DLGAP2: variants seen among roughly 807,000 people sequenced by gnomAD.
The protein encoded by DLGAP2 is DLG associated protein 2.
DLGAP2 carries 26 observed loss-of-function variants against 100.3 expected under a neutral mutation model. That is an observed-to-expected ratio of 0.26 (90% CI 0.19 to 0.36). The LOEUF (loss-of-function observed/expected upper bound fraction) is 0.36, where lower values mean the gene tolerates loss of function less well. DLGAP2 is among the 10% of genes least tolerant of loss of function. The probability of loss-of-function intolerance (pLI) is 1.00; values close to 1 mark genes in which losing one functional copy is unlikely to be tolerated. For synonymous variants in DLGAP2, 886 were observed against 630.1 expected, an observed-to-expected ratio of 1.41 and a Z score of -6.08; for missense variants, 1,858 against 1,453.2, an observed-to-expected ratio of 1.28 and a Z score of -4.53.
At chr8:1,453,460 G>A (rs1041354198) in intron 3 of DLGAP2, among the ~76,000 whole-genome samples, 3 of 152,180 alleles carry the variant, frequency 2.0e-5, no homozygotes, top group Admixed American at 2.0e-4. Context: ...ACCTAACAGA[G>A]AGAACGGAGT....
intron 2 of DLGAP2, among the ~76,000 whole-genome samples, chr8:924,765 G>A (rs764222378): frequency 2.5e-4 from 38 of 151,908 alleles, no homozygotes; most frequent in South Asian, 4.2e-4. Flanking sequence ...TGTATTTTTA[G>A]TAGATACATG....
At chr8:1,409,495 A>G (rs1796669496) in intron 3 of DLGAP2, among the ~76,000 whole-genome samples, 1 of 152,224 alleles carries the variant, frequency 6.6e-6, no homozygotes, top group South Asian at 2.1e-4. Context: ...CACAAGTTCA[A>G]GAAGAGAGCT....
chr8:1,534,585 ACAT>A (rs753666921), intron 4 of DLGAP2, among the ~76,000 whole-genome samples: 5 of 152,240 alleles, frequency 3.3e-5, no homozygotes, highest in Non-Finnish European at 7.3e-5. Context: ...CAATCAAAAG[ACAT>A]CTATGAGCAG....
At chr8:1,681,573 G>C (rs1798946903) in intron 12 of DLGAP2, among the ~76,000 whole-genome samples, 1 of 152,070 alleles carries the variant, frequency 6.6e-6, no homozygotes, top group Non-Finnish European at 1.5e-5. Context: ...TGGGAGGATT[G>C]CCTGAGCCCC....
At chr8:854,323 G>A (rs993056452) in intron 1 of DLGAP2, among the ~76,000 whole-genome samples, 1 of 152,126 alleles carries the variant, frequency 6.6e-6, no homozygotes, top group East Asian at 1.9e-4. Flanking sequence ...CCTTCAGTGG[G>A]TATCCTTATC....
chr8:1,113,947 G>C (rs747747144), intron 2 of DLGAP2, among the ~76,000 whole-genome samples: 1 of 152,136 alleles, frequency 6.6e-6, no homozygotes, highest in Admixed American at 6.5e-5. Flanking sequence ...TGCATCTATT[G>C]AGACAATCAT....
chr8:1,187,593 C>T (rs865893865), intron 2 of DLGAP2, among the ~76,000 whole-genome samples: 849 of 137,324 alleles, frequency 6.2e-3, no homozygotes, highest in African/African-American at 0.023. Flanking sequence ...ACCTCCGTGA[C>T]GTTTCCCTCA....
At chr8:1,490,823 T>A (rs1442016572) in intron 3 of DLGAP2, among the ~76,000 whole-genome samples, 1 of 151,174 alleles carries the variant, frequency 6.6e-6, no homozygotes, top group Non-Finnish European at 1.5e-5. Flanking sequence ...GCCAATGAAA[T>A]TGAGAACACA....
At chr8:1,312,526 G>A (rs559386896) in intron 3 of DLGAP2, among the ~76,000 whole-genome samples, 1 of 152,158 alleles carries the variant, frequency 6.6e-6, no homozygotes, top group Non-Finnish European at 1.5e-5. Flanking sequence ...CAGGGTTTCT[G>A]GGGGCTTGGG....
chr8:1,083,887 T>G (rs895097263), intron 2 of DLGAP2, among the ~76,000 whole-genome samples: 1 of 152,234 alleles, frequency 6.6e-6, no homozygotes, highest in Non-Finnish European at 1.5e-5. Flanking sequence ...AAGTGGCTAA[T>G]AAAGAACTGT....
intron 2 of DLGAP2, among the ~76,000 whole-genome samples, chr8:1,198,992 A>C (rs1446844428): frequency 6.6e-6 from 1 of 152,230 alleles, no homozygotes; most frequent in Non-Finnish European, 1.5e-5. Flanking sequence ...CTCAGAGCTG[A>C]GTTTCAGCTG....
At chr8:1,575,363 G>C (rs1044209000) in intron 6 of DLGAP2, among the ~76,000 whole-genome samples, 1 of 152,022 alleles carries the variant, frequency 6.6e-6, no homozygotes, top group Non-Finnish European at 1.5e-5. Context: ...CACAGGTGCA[G>C]ACAGTGGAAT....
chr8:1,484,601 T>C (rs544846424), intron 3 of DLGAP2, among the ~76,000 whole-genome samples: 3 of 152,332 alleles, frequency 2.0e-5, no homozygotes, highest in Non-Finnish European at 2.9e-5. Context: ...TTCAGAGTCA[T>C]CAGGGTAAAA....
chr8:1,516,527 G>GTGAGTGAGTGAGTGCA lies in DLGAP2; in HGVS notation c.172+15100_172+15115dup, dbSNP rs1800394497. Among the ~76,000 whole-genome samples, 6 of 151,652 alleles carry GTGAGTGAGTGAGTGCA rather than the reference G, an allele frequency of 4.0e-5. No homozygotes were observed. In the East Asian group the frequency reaches 9.8e-4, roughly 25 times the overall value. On this transcript the variant is annotated intron_variant, in intron 4 of 14. Transcript: ENST00000637795. ...AGTGAATGAGTTCATGAATCAGTCAGTGAGTGAGTGAGTGCATGAATGAGT... is the reference window on the plus strand; with the variant it reads ...AGTGAATGAGTTCATGAATCAGTCAGTGAGTGAGTGAGTGCATGAGTGAGTGAGTGCATGAATGAGT...
At chr8:1,417,727 A>C (rs5024506) in intron 3 of DLGAP2, among the ~76,000 whole-genome samples, 13 of 111,550 alleles carry the variant, frequency 1.2e-4, no homozygotes, top group East Asian at 3.7e-4. Context: ...GAGGCTCCAG[A>C]CACAGAAGCC....
At chr8:986,450 A>T (rs1800489979) in intron 2 of DLGAP2, among the ~76,000 whole-genome samples, 2 of 152,020 alleles carry the variant, frequency 1.3e-5, no homozygotes, top group African/African-American at 4.8e-5. Context: ...ATCTTACTTT[A>T]TGTGGTTCCT....
chr8:998,920 G>A (rs905513675), intron 2 of DLGAP2, among the ~76,000 whole-genome samples: 3 of 152,108 alleles, frequency 2.0e-5, no homozygotes, highest in African/African-American at 7.2e-5. Flanking sequence ...CATTGTTCAT[G>A]TGTGAAGCCA....
At position 1,548,583 on chromosome 8, in the gene DLGAP2, G is replaced by A. The variant is rs547787421; in HGVS notation, c.173-43G>A. 19 of 1,433,482 alleles carry A rather than the reference G, an allele frequency of 1.3e-5. 1 individual carries two copies. The highest frequency in any genetic ancestry group is 1.1e-4 in the South Asian group (8 of 69,974). The allele number at this position is 1,433,482 out of a possible 1,614,324, so 88.8% of individuals were successfully genotyped here. A position where few individuals can be genotyped will look rare whatever the true frequency, so the allele number is the denominator to read the frequency against. ...ATATTCCCCGCACCTGAGGGTTTCC[G>A]CCGCGCTTCCGGGTGTTCAATGCCG... is the stretch of plus-strand genomic sequence containing the variant. On this transcript the variant is annotated intron_variant, in intron 4 of 14. Coordinates refer to ENST00000637795, the MANE Select transcript of DLGAP2 (RefSeq NM_001346810.2).
chr8:1,053,337 C>T (rs1802778601), intron 2 of DLGAP2, among the ~76,000 whole-genome samples: 1 of 152,100 alleles, frequency 6.6e-6, no homozygotes, highest in African/African-American at 2.4e-5. Flanking sequence ...TTTGGGGGAA[C>T]ATAGAATGAA....
Sources: gnomAD v4.1 joint callset for allele counts (sites outside exome capture counted in the v4.1 genomes callset) on GRCh38, gnomAD v4.1.1 for gene constraint, MANE v1.5 for transcripts, NCBI Gene and HGNC (gene_info 2026-07-23, HGNC 2026-07-21) for gene names.